HHIP: variants seen among roughly 807,000 people sequenced by gnomAD.
The protein encoded by HHIP is hedgehog interacting protein, also known as hedgehog-interacting protein.
A neutral mutation model predicts 74.0 loss-of-function variants in HHIP; 12 were observed. That is an observed-to-expected ratio of 0.16 (90% confidence interval 0.10 to 0.26). The LOEUF (loss-of-function observed/expected upper bound fraction) is 0.26, where lower values mean the gene tolerates loss of function less well. Among genes scored for constraint, HHIP ranks in the 10% least tolerant of loss-of-function variants. The pLI is 1.00. For synonymous variants in HHIP, 309 were observed against 311.6 expected (o/e 0.99, Z 0.09); for missense variants, 788 against 845.0 (o/e 0.93, Z 0.84).
intron 3 of HHIP, 68 bp downstream of exon 3, chr4:144,659,014 A>T (rs944424921): frequency 7.5e-7 from 1 of 1,329,710 alleles, no homozygotes; most frequent in African/African-American, 1.5e-5. Context: ...TGGTTTTGAC[A>T]GTGAATCAAC....
chr4:144,725,231 A>C (rs1730763485), intron 11 of HHIP, among the ~76,000 whole-genome samples: 1 of 152,236 alleles, frequency 6.6e-6, no homozygotes, highest in African/African-American at 2.4e-5. Context: ...GATGTAGCTT[A>C]TAAAGAAAAA....
rs555748038 is a variant in HHIP at position 144,695,140 on chromosome 4, A to G, written c.832-11391A>G. ...TTGCTTTTCTAACAAGATTTGCTTG[A>G]TATTTGTCAGTTTAATTTTTTTTTA... is the stretch of plus-strand genomic sequence containing the variant. On this transcript the variant is annotated intron_variant, in intron 4 of 12. Transcript: ENST00000296575. Among the ~76,000 whole-genome samples, 4 of 151,924 alleles carry G rather than the reference A, an allele frequency of 2.6e-5. No individual in the cohort carries two copies. In the East Asian group the frequency reaches 5.8e-4, roughly 22 times the overall value.
At position 144,705,033 on chromosome 4, in the gene HHIP, T is replaced by C. The variant is rs1471659463; in HGVS notation, c.832-1498T>C. Among the ~76,000 whole-genome samples, 4 of 152,310 alleles carry C rather than the reference T, an allele frequency of 2.6e-5. No homozygotes were observed. The East Asian group carries it at 7.7e-4, about 29-fold the overall frequency. ...TTATGATTAAAATTAAAATTATGCA[T>C]ATTGTGATGTGGAGGAAAGTTGACT... On this transcript the variant is annotated intron_variant, in intron 4 of 12. Coordinates refer to ENST00000296575, the MANE Select transcript of HHIP (RefSeq NM_022475.3).
intron 4 of HHIP, among the ~76,000 whole-genome samples, chr4:144,660,481 C>T (rs1467426118): frequency 6.6e-6 from 1 of 151,892 alleles, no homozygotes; most frequent in Non-Finnish European, 1.5e-5. Context: ...CAAATTATGA[C>T]GTTCTAAAAT....
At chr4:144,700,934 C>G (rs1238796743) in intron 4 of HHIP, among the ~76,000 whole-genome samples, 1 of 152,152 alleles carries the variant, frequency 6.6e-6, no homozygotes, top group Non-Finnish European at 1.5e-5. Flanking sequence ...CATTTCTGAT[C>G]AGCAAATAGT....
chr4:144,727,908 A>G lies in HHIP; in HGVS notation c.1761-6833A>G, dbSNP rs1052080875. ...AGTTCAGTGGAAAGAACACTGAACC[A>G]GGAAAGAGTTCCAGAATTCTCTGTA... On this transcript the variant is annotated intron_variant, in intron 11 of 12. Transcript: ENST00000296575. Among the ~76,000 whole-genome samples the G allele has an allele frequency of 3.3e-5, 5 of 152,300 alleles. No homozygotes were observed. In the South Asian group the frequency reaches 8.3e-4, roughly 25 times the overall value.
chr4:144,692,771 G>GGTCA (rs1355735241), intron 4 of HHIP, among the ~76,000 whole-genome samples: 2 of 152,052 alleles, frequency 1.3e-5, no homozygotes, highest in Non-Finnish European at 2.9e-5. Context: ...GTGTGTCAGG[G>GGTCA]GTCATCCTTC....
intron 11 of HHIP, among the ~76,000 whole-genome samples, chr4:144,724,688 A>ATATATATGTATATATATATATT (rs1437378994): frequency 9.3e-5 from 9 of 96,932 alleles, no homozygotes; most frequent in African/African-American, 1.3e-4. Context: ...ATATTTATAT[A>ATATATATGTATATATATATATT]TATATATAAG....
At position 144,658,893 on chromosome 4, in the gene HHIP, A is replaced by T; in HGVS notation, c.576A>T (p.Ala192=). ...CAAGAAAACAAGTCAGAGGACCAGCATCTAACTACTTGGACCAGATGGAAG... is the reference window on the plus strand; with the variant it reads ...CAAGAAAACAAGTCAGAGGACCAGCTTCTAACTACTTGGACCAGATGGAAG... ...DFPRKQVRGP[A]SNYLDQMEEY... is the part of the protein sequence containing the mutation. Residue 192 remains alanine (A), a synonymous_variant, in exon 3 of 13, where the codon GCA becomes GCT. Transcript: ENST00000296575. 1 of 1,613,696 alleles carries T rather than the reference A, an allele frequency of 6.2e-7. No individual in the cohort carries two copies. Among genetic ancestry groups the T allele is most frequent in the South Asian group, 1.1e-5 (1 of 91,068 alleles).
At chr4:144,703,881 A>G (rs185559076) in intron 4 of HHIP, among the ~76,000 whole-genome samples, 285 of 152,294 alleles carry the variant, frequency 1.9e-3, no homozygotes, top group African/African-American at 6.5e-3. Flanking sequence ...CCCAATCAAC[A>G]TATTTCTTCA....
intron 11 of HHIP, among the ~76,000 whole-genome samples, chr4:144,728,703 T>G (rs547667468): frequency 6.6e-6 from 1 of 152,270 alleles, no homozygotes; most frequent in South Asian, 2.1e-4. Context: ...CTTCAGATAG[T>G]ACTTGAAAAA....
intron 4 of HHIP, among the ~76,000 whole-genome samples, chr4:144,685,178 C>T (rs1310485330): frequency 6.6e-6 from 1 of 152,182 alleles, no homozygotes; most frequent in Non-Finnish European, 1.5e-5. Context: ...AAATTTTTAT[C>T]TAGAAGTGTA....
At chr4:144,667,819 A>G (rs55645717) in intron 4 of HHIP, among the ~76,000 whole-genome samples, 9,637 of 152,158 alleles carry the variant, frequency 0.063, 444 homozygotes, top group African/African-American at 0.13. Context: ...GAGTTAATAA[A>G]TTGTAGGATT....
chr4:144,701,323 C>T (rs368625172), intron 4 of HHIP, among the ~76,000 whole-genome samples: 61 of 144,356 alleles, frequency 4.2e-4, no homozygotes, highest in Admixed American at 2.4e-3. Flanking sequence ...CTGTTTTTTT[C>T]TTTTTTTTTT....
chr4:144,720,506 G>A (rs1297970099), intron 11 of HHIP, among the ~76,000 whole-genome samples: 2 of 152,082 alleles, frequency 1.3e-5, no homozygotes, highest in Non-Finnish European at 2.9e-5. Context: ...GAGTTTAGGT[G>A]CATTTTACAC....
chr4:144,737,993 C>T lies in HHIP; in HGVS notation c.*36C>T. 1.4e-6 allele frequency: 2 copies of T among 1,439,794 alleles called. No homozygotes were observed. Among genetic ancestry groups the T allele is most frequent in the South Asian group, 1.6e-5 (1 of 62,770 alleles). 89.2% of individuals were successfully genotyped at this position (1,439,794 alleles called of 1,614,324 possible). A position where few individuals can be genotyped will look rare whatever the true frequency, so the allele number is the denominator to read the frequency against. On this transcript the variant is annotated 3_prime_UTR_variant, in exon 13 of 13. Coordinates refer to ENST00000296575, the MANE Select transcript of HHIP (RefSeq NM_022475.3). ...TGTTTGAATATTCTATTCCAATGGG[C>T]ATTTATTTTTTATCCTGTCATTAAA...
In HHIP at chr4:144,646,705, G is replaced by T; in HGVS notation, c.30G>T (p.Leu10=). ...TGAAGATGCTCTCCTTTAAGCTGCT[G>T]CTGCTGGCCGTGGCTCTGGGCTTCT... The part of the protein sequence containing the change: MLKMLSFKL[L]LLAVALGFFE... Residue 10 remains leucine (L), a synonymous_variant, in exon 1 of 13, where the codon CTG becomes CTT. Coordinates refer to ENST00000296575, the MANE Select transcript of HHIP (RefSeq NM_022475.3). 6.2e-7 allele frequency: 1 copy of T among 1,614,174 alleles called. No homozygotes were observed. The highest frequency in any genetic ancestry group is 1.1e-5 in the South Asian group (1 of 91,082).
At chr4:144,667,796 T>C (rs1728917580) in intron 4 of HHIP, among the ~76,000 whole-genome samples, 1 of 152,172 alleles carries the variant, frequency 6.6e-6, no homozygotes, top group Non-Finnish European at 1.5e-5. Context: ...ATGGTTTCTG[T>C]CAATCTACCA....
chr4:144,697,624 T>TC (rs772292174), intron 4 of HHIP, among the ~76,000 whole-genome samples: 1 of 151,988 alleles, frequency 6.6e-6, no homozygotes, highest in Non-Finnish European at 1.5e-5. Context: ...ATGCCACAGT[T>TC]CAAATGCTTT....
Sources: allele counts gnomAD v4.1 joint callset (sites outside exome capture counted in the v4.1 genomes callset), GRCh38; gene constraint gnomAD v4.1.1; transcripts MANE v1.5; gene names NCBI Gene and HGNC (gene_info 2026-07-23, HGNC 2026-07-21).